The following LONP1 variants were observed in gnomAD, a reference collection of about 807,000 sequenced individuals.
LONP1 encodes the protein lon peptidase 1, mitochondrial.
LONP1 carries 31 observed loss-of-function variants against 98.5 expected under a neutral mutation model. The observed-to-expected ratio is 0.31, with a 90% confidence interval of 0.24 to 0.42. The LOEUF (loss-of-function observed/expected upper bound fraction) is 0.42, where lower values mean the gene tolerates loss of function less well. Ranked by LOEUF, LONP1 falls within the 20% of genes least tolerant of loss-of-function variation. LONP1 has a pLI of 1.00. For synonymous variants in LONP1, 781 were observed against 594.7 expected, an observed-to-expected ratio of 1.31 and a Z score of -4.56; for missense variants, 1,336 against 1,350.6, an observed-to-expected ratio of 0.99 and a Z score of 0.17.
At chr19:5,713,046 A>G in intron 3 of LONP1, 88 bp downstream of exon 3, 1 of 1,573,086 alleles carries the variant, frequency 6.4e-7, no homozygotes, top group Non-Finnish European at 8.7e-7. Context: ...GACAGGGCAG[A>G]GGCTGATGCT....
At chr19:5,701,183 C>T (rs1210650611) in intron 8 of LONP1, among the ~76,000 whole-genome samples, 4 of 152,194 alleles carry the variant, frequency 2.6e-5, no homozygotes, top group East Asian at 1.9e-4. Flanking sequence ...CAGTGGCTCA[C>T]GCCTGTAATC....
chr19:5,695,113 C>G (rs2054902870), intron 13 of LONP1, among the ~76,000 whole-genome samples: 1 of 152,038 alleles, frequency 6.6e-6, no homozygotes, highest in African/African-American at 2.4e-5. Context: ...CTGCTTGGAT[C>G]CACTTCCTAT....
rs2055279745 is a variant in LONP1, at chr19:5,714,252, A to G, written c.449T>C (p.Val150Ala). ...KIIEVKNKKL[V>A]ELLRRKVRLA... Reference sequence around the variant, plus strand: ...ACGAACTTTCCTTCTCAGCAGCTCAACCAACTTCTTATTTTTAACCTAGCA... The same window carrying G: ...ACGAACTTTCCTTCTCAGCAGCTCAGCCAACTTCTTATTTTTAACCTAGCA... Residue 150 changes from valine to alanine, a missense_variant, in exon 2 of 18, where the codon GTT becomes GCT. Coordinates refer to ENST00000360614, the MANE Select transcript of LONP1 (RefSeq NM_004793.4). 2.5e-6 allele frequency: 4 copies of G among 1,613,642 alleles called. No homozygotes were observed. Among genetic ancestry groups the G allele is most frequent in the Non-Finnish European group, 3.4e-6 (4 of 1,179,782 alleles).
chr19:5,708,313 C>T (rs757776393), intron 5 of LONP1, 29 bp downstream of exon 5: 1 of 1,587,548 alleles, frequency 6.3e-7, no homozygotes, highest in East Asian at 2.2e-5. Flanking sequence ...GATGCCCCCG[C>T]CTGGCCAGCT....
chr19:5,706,089 T>G, intron 7 of LONP1, 97 bp from the exon 8 acceptor site: 2 of 784,118 alleles, frequency 2.6e-6, no homozygotes, highest in Non-Finnish European at 4.3e-6. Context: ...CCCCCAGGAC[T>G]CAGAGAGAAA....
Position 5,693,344 on chromosome 19 carries a change from G to A in LONP1, c.2657C>T (p.Thr886Met), listed in dbSNP as rs567475359. 2.1e-4 allele frequency: 343 copies of A among 1,613,432 alleles called. 10 individuals are homozygous for A. The South Asian group carries it at 3.2e-3, about 15-fold the overall frequency. ...NLAMTGEVSL[T>M]GKILPVGGIK... ...GCCACCAACAGGCAGGATCTTGCCC[G>A]TGAGGGAGACTTCGCCAGTCATGGC... The change falls in exon 17 of 18, where the codon ACG becomes ATG. Residue 886 changes from threonine to methionine, a missense_variant. Transcript: ENST00000360614.
Position 5,705,822 on chromosome 19 carries a change from G to C in LONP1, c.1317C>G (p.Asp439Glu). The C allele has an allele frequency of 6.2e-7, 1 of 1,614,114 alleles. No homozygotes were observed. The highest frequency in any genetic ancestry group is 1.6e-4 in the Middle Eastern group (1 of 6,062). ...GCAGGCCCAGCTTGCTCAGCTCCTC[G>C]TCCACAACATCCATGACGTGCTTGG... ...VVPKHVMDVVDEELSKLGLLD... is the reference protein window; with the variant it reads ...VVPKHVMDVVEEELSKLGLLD... The change falls in exon 8 of 18, where the codon GAC becomes GAG. Residue 439 changes from aspartate (D) to glutamate (E), a missense_variant. Asp to Glu is a conservative substitution (Grantham distance 45). Transcript: ENST00000360614.
intron 7 of LONP1, among the ~76,000 whole-genome samples, chr19:5,706,351 G>A (rs1438929273): frequency 2.0e-5 from 3 of 152,186 alleles, no homozygotes; most frequent in Non-Finnish European, 2.9e-5. Flanking sequence ...GCTCACGCCT[G>A]TAATCCTAGC....
intron 4 of LONP1, among the ~76,000 whole-genome samples, chr19:5,711,333 T>C (rs1568325734): frequency 6.6e-6 from 1 of 152,246 alleles, no homozygotes; most frequent in African/African-American, 2.4e-5. Flanking sequence ...AGCTGACTCC[T>C]TGTGCCACCA....
intron 4 of LONP1, among the ~76,000 whole-genome samples, chr19:5,709,306 C>T (rs368903394): frequency 1.3e-5 from 2 of 149,902 alleles, no homozygotes; most frequent in African/African-American, 2.5e-5. Flanking sequence ...CTGGCCAACA[C>T]GGTGAAACCC....
chr19:5,696,216 C>G, intron 12 of LONP1, 33 bp downstream of exon 12: 1 of 1,612,812 alleles, frequency 6.2e-7, no homozygotes, highest in South Asian at 1.1e-5. Context: ...CTTACCCTCC[C>G]CAGCAAGCCC....
intron 8 of LONP1, among the ~76,000 whole-genome samples, chr19:5,701,210 C>T (rs1239906420): frequency 6.6e-6 from 1 of 152,212 alleles, no homozygotes; most frequent in Admixed American, 6.5e-5. Context: ...TTTTGGGAGG[C>T]CGAGGCAGGC....
At chr19:5,701,856 G>A (rs2055050944) in intron 8 of LONP1, among the ~76,000 whole-genome samples, 1 of 151,872 alleles carries the variant, frequency 6.6e-6, no homozygotes. Flanking sequence ...GAGCGTCTCT[G>A]CCCGGCCGCC....
chr19:5,703,312 G>C (rs1271828189), intron 8 of LONP1, among the ~76,000 whole-genome samples: 1 of 152,236 alleles, frequency 6.6e-6, no homozygotes, highest in East Asian at 1.9e-4. Flanking sequence ...GCCCAGGGCT[G>C]AGTGAGCAGA....
chr19:5,694,794 G>A lies in LONP1; in HGVS notation c.2121C>T (p.Ser707=), dbSNP rs376954188. 44 of 1,594,148 alleles carry A rather than the reference G, an allele frequency of 2.8e-5. No individual in the cohort carries two copies. The highest frequency in any genetic ancestry group is 1.8e-4 in the East Asian group (8 of 44,270). Residue 707 remains serine (S), a synonymous_variant, in exon 14 of 18, where the codon AGC becomes AGT. Transcript: ENST00000360614. ...TLLIKQYCRE[S]GVRNLQKQVE... is the part of the protein sequence containing the mutation. ...CTTGCTTCTGCAGGTTGCGGACACC[G>A]CTCTCGCGGCAGTACTGCTTGATGA... is the stretch of plus-strand genomic sequence containing the variant.
At chr19:5,711,744 G>A (rs761295628) in intron 4 of LONP1, 27 bp downstream of exon 4, 14 of 1,581,162 alleles carry the variant, frequency 8.9e-6, no homozygotes, top group African/African-American at 5.4e-5. Context: ...GGCAGCTGTG[G>A]CCGCCCTGCG....
intron 3 of LONP1, 170 bp from the exon 4 acceptor site, chr19:5,712,172 G>C (rs2055249834): frequency 3.4e-6 from 2 of 591,372 alleles, no homozygotes; most frequent in African/African-American, 1.9e-5. Flanking sequence ...GCTTTCTCGG[G>C]GCCTCCCAAC....
chr19:5,698,803 G>T (rs2054989806), intron 10 of LONP1, among the ~76,000 whole-genome samples: 1 of 152,232 alleles, frequency 6.6e-6, no homozygotes, highest in Non-Finnish European at 1.5e-5. Flanking sequence ...CTCTCTCCCA[G>T]GGGTCAAGCC....
chr19:5,700,392 C>T (rs879702277), intron 9 of LONP1, among the ~76,000 whole-genome samples: 3 of 152,214 alleles, frequency 2.0e-5, no homozygotes, highest in South Asian at 2.1e-4. Flanking sequence ...GGATTACAGG[C>T]ATGAGCCACA....
Sources: gnomAD v4.1 joint callset for allele counts (sites outside exome capture counted in the v4.1 genomes callset) on GRCh38, gnomAD v4.1.1 for gene constraint, MANE v1.5 for transcripts, NCBI Gene and HGNC (gene_info 2026-07-23, HGNC 2026-07-21) for gene names.